The following TSPAN9 variants were observed in gnomAD, a reference collection of about 807,000 sequenced individuals.
The protein encoded by TSPAN9 is tetraspanin-9.
In TSPAN9, 16 loss-of-function variants were observed where a neutral mutation model predicts 31.0. That is an observed-to-expected ratio of 0.52 (90% CI 0.35 to 0.78). The LOEUF (loss-of-function observed/expected upper bound fraction) is 0.78. TSPAN9 is among the 30% of genes least tolerant of loss of function. The pLI is 0.01. For synonymous variants in TSPAN9, 145 were observed against 121.6 expected, an observed-to-expected ratio of 1.19 and a Z score of -1.27; for missense variants, 272 against 312.5, an observed-to-expected ratio of 0.87 and a Z score of 0.98.
In TSPAN9 at chr12:3,112,520, C is replaced by CT. The variant is rs532589402; in HGVS notation, c.-18+28810dup. 3.3e-4 allele frequency among the ~76,000 whole-genome samples: 49 copies of CT among 147,350 alleles called. No homozygotes were observed. In the South Asian group the frequency reaches 8.1e-3, roughly 24 times the overall value. On this transcript the variant is annotated intron_variant, in intron 2 of 8. Coordinates refer to ENST00000011898, the MANE Select transcript of TSPAN9 (RefSeq NM_006675.5). ...CTCTGATTTTATTTATTTGGGTCTT[C>CT]TTTTTTTTTCCTTAGTCTGGTTAAA...
intron 2 of TSPAN9, among the ~76,000 whole-genome samples, chr12:3,181,755 C>G (rs1226549175): frequency 6.6e-6 from 1 of 152,172 alleles, no homozygotes; most frequent in Non-Finnish European, 1.5e-5. Context: ...TCGTGCCCTT[C>G]CCTCTGCCCT....
chr12:3,227,242 C>G (rs1470543218), intron 3 of TSPAN9, among the ~76,000 whole-genome samples: 1 of 152,194 alleles, frequency 6.6e-6, no homozygotes, highest in Non-Finnish European at 1.5e-5. Flanking sequence ...CACAGGGAGA[C>G]TAAGAGCCCC....
At chr12:3,113,330 G>C (rs1229388261) in intron 2 of TSPAN9, among the ~76,000 whole-genome samples, 1 of 152,112 alleles carries the variant, frequency 6.6e-6, no homozygotes, top group Non-Finnish European at 1.5e-5. Flanking sequence ...CATCCTGGTG[G>C]ATGCCTGGGG....
At chr12:3,090,697 G>C (rs184480278) in intron 2 of TSPAN9, among the ~76,000 whole-genome samples, 300 of 152,348 alleles carry the variant, frequency 2.0e-3, no homozygotes, top group African/African-American at 6.9e-3. Flanking sequence ...GGGTATGTGT[G>C]TTCCAGGTGG....
chr12:3,202,922 G>A (rs555303987), intron 3 of TSPAN9, among the ~76,000 whole-genome samples: 1 of 152,208 alleles, frequency 6.6e-6, no homozygotes, highest in Non-Finnish European at 1.5e-5. Flanking sequence ...TCCTGGTCCT[G>A]TGACCCATCT....
intron 3 of TSPAN9, among the ~76,000 whole-genome samples, chr12:3,228,542 G>A (rs937430379): frequency 2.6e-5 from 4 of 152,186 alleles, no homozygotes; most frequent in Non-Finnish European, 4.4e-5. Flanking sequence ...CCACCCCATG[G>A]GGTGGATGAA....
Position 3,165,617 on chromosome 12 carries a change from G to C in TSPAN9, c.-17-35560G>C, listed in dbSNP as rs538249955. Among the ~76,000 whole-genome samples, 84 of 152,208 alleles carry C rather than the reference G, an allele frequency of 5.5e-4. 3 individuals carry two copies. The highest frequency in any genetic ancestry group is 5.3e-3 in the Admixed American group (81 of 15,286). ...GTACAGAAGGAGATACTGAGGCCCA[G>C]AGAGAGTTGCTCGCAAAGCTGTGGG... On this transcript the variant is annotated intron_variant, in intron 2 of 8. Coordinates refer to ENST00000011898, the MANE Select transcript of TSPAN9 (RefSeq NM_006675.5).
chr12:3,129,605 A>G (rs977688276), intron 2 of TSPAN9, among the ~76,000 whole-genome samples: 12 of 152,304 alleles, frequency 7.9e-5, no homozygotes, highest in Admixed American at 2.6e-4. Flanking sequence ...CACTTATGAA[A>G]TGGTGATGTT....
At chr12:3,111,480 A>G (rs1445355219) in intron 2 of TSPAN9, among the ~76,000 whole-genome samples, 1 of 152,162 alleles carries the variant, frequency 6.6e-6, no homozygotes, top group Non-Finnish European at 1.5e-5. Flanking sequence ...CATAAAACTT[A>G]CCTGATGAGG....
chr12:3,156,495 TG>T (rs1418664654), intron 2 of TSPAN9, among the ~76,000 whole-genome samples: 1 of 151,762 alleles, frequency 6.6e-6, no homozygotes, highest in Non-Finnish European at 1.5e-5. Flanking sequence ...TTCTTAGAGT[TG>T]TTTTTTTGTT....
At chr12:3,182,376 A>G (rs1404128486) in intron 2 of TSPAN9, among the ~76,000 whole-genome samples, 2 of 151,904 alleles carry the variant, frequency 1.3e-5, no homozygotes, top group African/African-American at 4.8e-5. Context: ...TGGGGCCCAC[A>G]GCCTCCTCTG....
rs58114618 is a variant in TSPAN9 at position 3,129,346 on chromosome 12, C to T, written c.-18+45627C>T. 1.9e-4 allele frequency among the ~76,000 whole-genome samples: 29 copies of T among 152,214 alleles called. No individual in the cohort carries two copies. In the East Asian group the frequency reaches 5.0e-3, roughly 26 times the overall value. ...TGTTAGTAATGTGACATGTGTTTTC[C>T]GAGGTAGTTTTTCTATGCATTGGAT... is the stretch of plus-strand genomic sequence containing the variant. On this transcript the variant is annotated intron_variant, in intron 2 of 8. Coordinates refer to ENST00000011898, the MANE Select transcript of TSPAN9 (RefSeq NM_006675.5).
intron 7 of TSPAN9, 98 bp downstream of exon 7, chr12:3,281,427 G>T: frequency 6.9e-7 from 1 of 1,447,112 alleles, no homozygotes. Context: ...GACACTAAGA[G>T]GTTGGCTGAA....
Position 3,254,197 on chromosome 12 carries a change from G to T in TSPAN9, c.64-24224G>T, listed in dbSNP as rs184199470. 5.1e-3 allele frequency among the ~76,000 whole-genome samples: 770 copies of T among 152,362 alleles called. 8 individuals are homozygous for T. The highest frequency in any genetic ancestry group is 0.018 in the African/African-American group (735 of 41,586). On this transcript the variant is annotated intron_variant, in intron 3 of 8. Coordinates refer to ENST00000011898, the MANE Select transcript of TSPAN9 (RefSeq NM_006675.5). ...CTCCTGCAGCACAGGCTGGGCAGGG[G>T]CCCATGCCTCTGTGAGGCCCTGCTT...
chr12:3,240,690 C>G (rs1309355591), intron 3 of TSPAN9, among the ~76,000 whole-genome samples: 1 of 152,122 alleles, frequency 6.6e-6, no homozygotes, highest in Admixed American at 6.5e-5. Flanking sequence ...ATCTATGATC[C>G]TTACACTACA....
chr12:3,145,214 C>T (rs1343350547), intron 2 of TSPAN9, among the ~76,000 whole-genome samples: 1 of 152,186 alleles, frequency 6.6e-6, no homozygotes, highest in Non-Finnish European at 1.5e-5. Flanking sequence ...ACCGCGACTG[C>T]CCTTGCATTC....
At chr12:3,271,620 C>T (rs949163051) in intron 3 of TSPAN9, among the ~76,000 whole-genome samples, 6 of 151,936 alleles carry the variant, frequency 3.9e-5, no homozygotes, top group African/African-American at 1.2e-4. Context: ...CGTGTGGCTG[C>T]ATCCCACCCC....
At chr12:3,109,344 T>C (rs2098317054) in intron 2 of TSPAN9, among the ~76,000 whole-genome samples, 1 of 146,818 alleles carries the variant, frequency 6.8e-6, no homozygotes, top group Non-Finnish European at 1.5e-5. Flanking sequence ...GTGTATTTTC[T>C]GTCTTTCCTG....
rs552238626 is a variant in TSPAN9 at position 3,154,569 on chromosome 12, C to T, written c.-17-46608C>T. ...CAGCCCAGGGTTGTGGGCCCATCAG[C>T]GTGTTCCTCCCTTCCTCCCTCTCTT... On this transcript the variant is annotated intron_variant, in intron 2 of 8. Transcript: ENST00000011898. Among the ~76,000 whole-genome samples, 16 of 152,352 alleles carry T rather than the reference C, an allele frequency of 1.1e-4. No homozygotes were observed. The South Asian group carries it at 1.9e-3, about 18-fold the overall frequency.
Sources: allele counts gnomAD v4.1 joint callset (sites outside exome capture counted in the v4.1 genomes callset), GRCh38; gene constraint gnomAD v4.1.1; transcripts MANE v1.5; gene names NCBI Gene and HGNC (gene_info 2026-07-23, HGNC 2026-07-21).